Variants in TAF2 observed in about 807,000 individuals in gnomAD.
TAF2 encodes TATA-box binding protein associated factor 2, also known as transcription initiation factor TFIID subunit 2.
In TAF2, 61 loss-of-function variants were observed where a neutral mutation model predicts 138.5. That is an observed-to-expected ratio of 0.44 (90% CI 0.36 to 0.54). TAF2 has a LOEUF of 0.54. TAF2 is among the 20% of genes least tolerant of loss of function. The pLI, the probability that TAF2 is intolerant of heterozygous loss-of-function variation, is 0.00. For missense variants in TAF2, 1,090 were observed against 1,427.9 expected, an observed-to-expected ratio of 0.76 and a Z score of 3.81; for synonymous variants, 475 against 469.9, an observed-to-expected ratio of 1.01 and a Z score of -0.14.
intron 11 of TAF2, 87 bp from the exon 12 acceptor site, chr8:119,789,833 T>A: frequency 7.9e-7 from 1 of 1,262,248 alleles, no homozygotes; most frequent in Non-Finnish European, 1.1e-6. Context: ...AACTTTATTG[T>A]AGTCAATTAT....
At chr8:119,776,479 G>A (rs1194503692) in intron 18 of TAF2, among the ~76,000 whole-genome samples, 8 of 149,178 alleles carry the variant, frequency 5.4e-5, no homozygotes, top group South Asian at 2.1e-4. Flanking sequence ...TCAGGAGATC[G>A]AAACCATCCT....
chr8:119,779,635 T>C (rs1822504592), intron 17 of TAF2, among the ~76,000 whole-genome samples: 1 of 152,194 alleles, frequency 6.6e-6, no homozygotes, highest in African/African-American at 2.4e-5. Flanking sequence ...TCATCCTGAA[T>C]CTGTCCTGAT....
intron 17 of TAF2, 32 bp from the exon 18 acceptor site, chr8:119,778,161 A>G (rs7843412): frequency 3.8e-6 from 5 of 1,329,340 alleles, no homozygotes; most frequent in Non-Finnish European, 5.4e-6. Context: ...TTTTAAAAGC[A>G]CAGAACCTAA....
chr8:119,788,510 T>C, intron 13 of TAF2, 63 bp from the exon 14 acceptor site: 3 of 1,210,496 alleles, frequency 2.5e-6, no homozygotes, highest in Non-Finnish European at 3.6e-6. Flanking sequence ...TGTATGCTTA[T>C]GTGTACAGAG....
At chr8:119,754,778 C>T (rs16893104) in intron 22 of TAF2, among the ~76,000 whole-genome samples, 70,500 of 152,068 alleles carry the variant, frequency 0.46, 17,039 homozygotes, top group African/African-American at 0.58. Context: ...AGCCTAGCTT[C>T]TGACTGAATC....
chr8:119,776,931 C>A (rs1350000678), intron 18 of TAF2, among the ~76,000 whole-genome samples: 3 of 152,106 alleles, frequency 2.0e-5, no homozygotes, highest in Non-Finnish European at 4.4e-5. Flanking sequence ...GGTTCCATAT[C>A]CATGGATTCT....
At chr8:119,739,074 G>T (rs1819424470) in intron 25 of TAF2, among the ~76,000 whole-genome samples, 2 of 147,408 alleles carry the variant, frequency 1.4e-5, no homozygotes, top group Non-Finnish European at 3.0e-5. Flanking sequence ...ACTTATGCAA[G>T]AAGGCATTAC....
chr8:119,738,852 T>G (rs1016532193), intron 25 of TAF2, among the ~76,000 whole-genome samples: 1 of 152,088 alleles, frequency 6.6e-6, no homozygotes, highest in African/African-American at 2.4e-5. Flanking sequence ...CAGTTTTTAT[T>G]AGGAAAGGTG....
chr8:119,792,155 T>TC (rs1227865080), intron 10 of TAF2, among the ~76,000 whole-genome samples: 9 of 151,290 alleles, frequency 5.9e-5, no homozygotes, highest in East Asian at 3.9e-4. Context: ...CTTTCTTTTT[T>TC]TTTTTTTTTT....
chr8:119,793,770 T>C (rs16893176), intron 9 of TAF2, among the ~76,000 whole-genome samples: 14,838 of 152,086 alleles, frequency 0.098, 1,094 homozygotes, highest in African/African-American at 0.2. Context: ...TGTATTTTGC[T>C]TCAAAAAATT....
chr8:119,749,439 A>G (rs1820199927), intron 22 of TAF2, among the ~76,000 whole-genome samples: 1 of 152,214 alleles, frequency 6.6e-6, no homozygotes, highest in Non-Finnish European at 1.5e-5. Flanking sequence ...TTAAAAGTAC[A>G]AAAGAGAGCA....
intron 4 of TAF2, among the ~76,000 whole-genome samples, chr8:119,805,923 A>C (rs1165874120): frequency 6.8e-6 from 1 of 146,530 alleles, no homozygotes; most frequent in East Asian, 2.0e-4. Flanking sequence ...TTTTTTTTTT[A>C]AGACGGAGTC....
At chr8:119,818,733 CACACACA>C (rs1825639665) in intron 3 of TAF2, among the ~76,000 whole-genome samples, 25 of 83,654 alleles carry the variant, frequency 3.0e-4, no homozygotes, top group African/African-American at 6.7e-4. Flanking sequence ...AAATGAAGTC[CACACACA>C]CACACACACA....
chr8:119,758,016 TACTC>T, intron 21 of TAF2, 53 bp downstream of exon 21: 5 of 1,388,408 alleles, frequency 3.6e-6, no homozygotes, highest in Non-Finnish European at 5.1e-6. Context: ...AATCTGAAAT[TACTC>T]AGTTCACTAT....
At chr8:119,806,703 A>G (rs1824681454) in intron 3 of TAF2, among the ~76,000 whole-genome samples, 1 of 151,784 alleles carries the variant, frequency 6.6e-6, no homozygotes, top group Non-Finnish European at 1.5e-5. Context: ...CCTAACCTCT[A>G]GTGATCCATT....
At position 119,788,368 on chromosome 8, in the gene TAF2, T is replaced by C; in HGVS notation, c.1763A>G (p.His588Arg). The change falls in exon 14 of 26, where the codon CAT (histidine) becomes CGT (arginine). Residue 588 changes from histidine to arginine, a missense_variant. Around this residue, in one of 3 missense-constraint regions of TAF2, gnomAD observed 6 missense variants for 27.3 expected, o/e 0.22. Transcript: ENST00000378164. ...TLQIEENSLK[H>R]DIPCHSKSRR... is the part of the protein sequence containing the mutation. ...ACTTTTGGAATGGCAGGGTATATCA[T>C]GTTTAAGGCTGTTTTCTTCAATTTG... 1 of 1,613,744 alleles carries C rather than the reference T, an allele frequency of 6.2e-7. No homozygotes were observed. Among genetic ancestry groups the C allele is most frequent in the Non-Finnish European group, 8.5e-7 (1 of 1,179,874 alleles).
intron 18 of TAF2, among the ~76,000 whole-genome samples, chr8:119,766,771 T>C (rs572913373): frequency 2.7e-4 from 41 of 151,122 alleles, no homozygotes; most frequent in African/African-American, 1.0e-3. Context: ...GAGGCAGAGG[T>C]TGCTGTGGGC....
At chr8:119,742,062 C>G (rs1429855807) in intron 25 of TAF2, among the ~76,000 whole-genome samples, 1 of 152,202 alleles carries the variant, frequency 6.6e-6, no homozygotes, top group Non-Finnish European at 1.5e-5. Flanking sequence ...ATCAAGTCTT[C>G]AGGAGTGAAT....
intron 2 of TAF2, among the ~76,000 whole-genome samples, chr8:119,826,624 CTTG>C (rs1826118172): frequency 6.7e-6 from 1 of 150,300 alleles, no homozygotes; most frequent in Non-Finnish European, 1.5e-5. Flanking sequence ...GGGTTTCACT[CTTG>C]TTGTCCAGGC....
Sources: allele counts gnomAD v4.1 joint callset (sites outside exome capture counted in the v4.1 genomes callset), GRCh38; gene constraint gnomAD v4.1.1; regional missense constraint gnomAD v4.1.1; transcripts MANE v1.5; gene names NCBI Gene and HGNC (gene_info 2026-07-23, HGNC 2026-07-21).